Variants in DENND1B observed in about 807,000 individuals in gnomAD.
The protein encoded by DENND1B is DENN domain-containing protein 1B.
A neutral mutation model predicts 90.1 loss-of-function variants in DENND1B; 59 were observed. The observed-to-expected ratio is 0.65, with a 90% CI of 0.53 to 0.81. The LOEUF (loss-of-function observed/expected upper bound fraction) is 0.81, where lower values mean the gene tolerates loss of function less well. Ranked by LOEUF, DENND1B falls within the 40% of genes least tolerant of loss-of-function variation. DENND1B has a pLI of 0.00. For missense variants in DENND1B, 862 were observed against 912.6 expected (o/e 0.94, Z 0.71); for synonymous variants, 337 against 324.6 (o/e 1.04, Z -0.41).
At chr1:197,680,630 T>C (rs994716750) in intron 3 of DENND1B, among the ~76,000 whole-genome samples, 1 of 152,132 alleles carries the variant, frequency 6.6e-6, no homozygotes, top group Non-Finnish European at 1.5e-5. Flanking sequence ...CCAATAAATA[T>C]GTACATTTTA....
intron 15 of DENND1B, among the ~76,000 whole-genome samples, chr1:197,565,462 CT>C (rs1020528235): frequency 4.5e-4 from 67 of 147,692 alleles, no homozygotes; most frequent in African/African-American, 1.4e-3. Flanking sequence ...CTATAATTTT[CT>C]TTTTTTTCTT....
intron 20 of DENND1B, among the ~76,000 whole-genome samples, chr1:197,518,164 A>G (rs1668531802): frequency 6.6e-6 from 1 of 151,890 alleles, no homozygotes; most frequent in South Asian, 2.1e-4. Context: ...AGACTCTGAA[A>G]GGAGCAAAAT....
At chr1:197,622,067 C>A (rs1040622993) in intron 10 of DENND1B, among the ~76,000 whole-genome samples, 3 of 151,248 alleles carry the variant, frequency 2.0e-5, no homozygotes, top group African/African-American at 7.3e-5. Context: ...CCTGTGAAAC[C>A]AGACAGAGAA....
chr1:197,552,531 T>C (rs1252513115), intron 16 of DENND1B: 1 of 985,522 alleles, frequency 1.0e-6, no homozygotes, highest in East Asian at 1.1e-4. Context: ...AATGCTGCAG[T>C]GATCTATAAA....
chr1:197,578,936 G>A (rs1476133598), intron 15 of DENND1B, among the ~76,000 whole-genome samples: 3 of 151,874 alleles, frequency 2.0e-5, no homozygotes, highest in Admixed American at 6.6e-5. Flanking sequence ...GCTAATTTTT[G>A]TATTTTTTGT....
chr1:197,539,062 C>G (rs144170289), intron 20 of DENND1B, among the ~76,000 whole-genome samples: 1 of 152,124 alleles, frequency 6.6e-6, no homozygotes, highest in African/African-American at 2.4e-5. Context: ...GGTACAGCAG[C>G]ACAAAATGGG....
intron 3 of DENND1B, among the ~76,000 whole-genome samples, chr1:197,688,476 T>C (rs1657493036): frequency 6.6e-6 from 1 of 151,994 alleles, no homozygotes; most frequent in Non-Finnish European, 1.5e-5. Flanking sequence ...GACAGACATA[T>C]AACCAATGGA....
intron 16 of DENND1B, among the ~76,000 whole-genome samples, chr1:197,551,789 CTGAGT>C (rs1327242864): frequency 1.3e-5 from 2 of 152,070 alleles, no homozygotes; most frequent in African/African-American, 4.8e-5. Context: ...TTTTGCTTGT[CTGAGT>C]TGAGAAGTAA....
intron 2 of DENND1B, among the ~76,000 whole-genome samples, chr1:197,744,815 T>C (rs1167910943): frequency 2.0e-5 from 3 of 152,250 alleles, no homozygotes; most frequent in African/African-American, 7.2e-5. Context: ...CTGTTTCATC[T>C]ACACTGAAAA....
At chr1:197,618,616 G>C (rs1286697552) in intron 10 of DENND1B, among the ~76,000 whole-genome samples, 1 of 150,940 alleles carries the variant, frequency 6.6e-6, no homozygotes, top group Non-Finnish European at 1.5e-5. Context: ...CTTTTAATGT[G>C]ACTTTCTTTC....
chr1:197,611,090 G>A (rs1677144698), intron 12 of DENND1B, among the ~76,000 whole-genome samples: 1 of 150,764 alleles, frequency 6.6e-6, no homozygotes, highest in African/African-American at 2.4e-5. Flanking sequence ...GTGATGGCAA[G>A]AGGAAAACCA....
intron 2 of DENND1B, among the ~76,000 whole-genome samples, chr1:197,718,238 G>A (rs1446479062): frequency 1.3e-5 from 2 of 151,890 alleles, no homozygotes; most frequent in Non-Finnish European, 2.9e-5. Flanking sequence ...CAGTGCTAAA[G>A]AAAGAGGAAA....
At chr1:197,611,402 G>GA (rs946825347) in intron 12 of DENND1B, among the ~76,000 whole-genome samples, 3 of 150,332 alleles carry the variant, frequency 2.0e-5, no homozygotes, top group African/African-American at 4.9e-5. Context: ...GGTAATTGTG[G>GA]AAAAAAATTA....
intron 15 of DENND1B, among the ~76,000 whole-genome samples, chr1:197,569,696 T>C (rs1295569336): frequency 6.6e-6 from 1 of 151,800 alleles, no homozygotes; most frequent in Non-Finnish European, 1.5e-5. Context: ...AAGCCAGGCA[T>C]CAAAAGACAA....
chr1:197,645,669 A>G (rs1419902188), intron 9 of DENND1B, 21 bp downstream of exon 9: 18 of 1,461,846 alleles, frequency 1.2e-5, no homozygotes, highest in Non-Finnish European at 1.6e-5. Context: ...GAATAATTAA[A>G]GTAGAAAATA....
At chr1:197,702,797 T>C (rs1399908210) in intron 3 of DENND1B, among the ~76,000 whole-genome samples, 1 of 152,200 alleles carries the variant, frequency 6.6e-6, no homozygotes, top group Admixed American at 6.6e-5. Context: ...TCAAGTGTTG[T>C]TGTTGTTGTT....
chr1:197,626,115 A>G (rs919260984), intron 10 of DENND1B, among the ~76,000 whole-genome samples: 75 of 152,194 alleles, frequency 4.9e-4, no homozygotes, highest in African/African-American at 1.8e-3. Context: ...CAGATCAACG[A>G]GACAGAAAGT....
intron 10 of DENND1B, among the ~76,000 whole-genome samples, chr1:197,638,070 T>C (rs750832729): frequency 2.6e-5 from 4 of 152,338 alleles, no homozygotes; most frequent in Admixed American, 1.3e-4. Context: ...CTGTAAAATC[T>C]ATATTTAATA....
At chr1:197,680,635 A>G (rs1189430170) in intron 3 of DENND1B, among the ~76,000 whole-genome samples, 1 of 152,182 alleles carries the variant, frequency 6.6e-6, no homozygotes, top group Admixed American at 6.5e-5. Context: ...AAATATGTAC[A>G]TTTTAAAGTA....
Sources: gnomAD v4.1 joint callset for allele counts (sites outside exome capture counted in the v4.1 genomes callset) on GRCh38, gnomAD v4.1.1 for gene constraint, MANE v1.5 for transcripts, NCBI Gene and HGNC (gene_info 2026-07-23, HGNC 2026-07-21) for gene names.